The following FAM169A variants were observed in gnomAD, a reference collection of about 807,000 sequenced individuals.
The protein encoded by FAM169A is soluble lamin-associated protein of 75 kDa.
A neutral mutation model predicts 75.7 loss-of-function variants in FAM169A; 24 were observed. The observed-to-expected ratio is 0.32, with a 90% CI of 0.23 to 0.45. The LOEUF (loss-of-function observed/expected upper bound fraction) is 0.45, where lower values mean the gene tolerates loss of function less well. Ranked by LOEUF, FAM169A falls within the 20% of genes least tolerant of loss-of-function variation. The pLI is 1.00. For synonymous variants in FAM169A, 271 were observed against 271.0 expected (o/e 1.00, Z 0.00); for missense variants, 673 against 784.0 (o/e 0.86, Z 1.69).
chr5:74,798,465 A>G (rs981438865), intron 10 of FAM169A, among the ~76,000 whole-genome samples: 4 of 152,160 alleles, frequency 2.6e-5, no homozygotes, highest in African/African-American at 7.2e-5. Context: ...TTATTACTAG[A>G]TTTAAATATT....
chr5:74,800,474 T>C (rs1746516166), intron 10 of FAM169A, among the ~76,000 whole-genome samples: 1 of 152,158 alleles, frequency 6.6e-6, no homozygotes, highest in Non-Finnish European at 1.5e-5. Context: ...GTGGTGATAA[T>C]GACTAATTTG....
At chr5:74,862,804 C>T (rs1408178804) in intron 1 of FAM169A, among the ~76,000 whole-genome samples, 3 of 152,090 alleles carry the variant, frequency 2.0e-5, no homozygotes, top group African/African-American at 4.8e-5. Flanking sequence ...GTTCCCAACT[C>T]GTATTTTCAA....
chr5:74,829,759 A>C (rs993340890), intron 5 of FAM169A, among the ~76,000 whole-genome samples: 32 of 152,198 alleles, frequency 2.1e-4, no homozygotes, highest in Middle Eastern at 3.2e-3. Context: ...GGATCATCTG[A>C]GGTCAGGAGA....
At chr5:74,805,957 T>A (rs1345765065) in intron 6 of FAM169A, among the ~76,000 whole-genome samples, 12 of 132,364 alleles carry the variant, frequency 9.1e-5, no homozygotes, top group African/African-American at 3.5e-4. Context: ...ACAACTATTA[T>A]ACATGAATTT....
intron 5 of FAM169A, among the ~76,000 whole-genome samples, chr5:74,819,533 C>CA (rs1298915240): frequency 1.3e-5 from 2 of 152,162 alleles, no homozygotes; most frequent in Non-Finnish European, 2.9e-5. Context: ...TATGACCCAG[C>CA]AATTCCACAA....
chr5:74,864,404 A>G (rs1217363642), intron 1 of FAM169A, among the ~76,000 whole-genome samples: 1 of 152,096 alleles, frequency 6.6e-6, no homozygotes, highest in African/African-American at 2.4e-5. Flanking sequence ...CTAATTTTGT[A>G]TTTTTAGTAG....
In FAM169A at chr5:74,779,969, CAATTT is replaced by C. The variant is rs1301767136; in HGVS notation, c.*1486_*1490del. ...GATCAAGATCAAGCTATTTTTAAAA[CAATTT>C]AAATGGTCTCAAAACATTCTCCAAC... On this transcript the variant is annotated 3_prime_UTR_variant, in exon 13 of 13. Coordinates refer to ENST00000687041, the MANE Select transcript of FAM169A (RefSeq NM_001376049.1). 6.6e-6 allele frequency: 1 copy of C among 152,144 alleles called. No homozygotes were observed. Among genetic ancestry groups the C allele is most frequent in the African/African-American group, 2.4e-5 (1 of 41,440 alleles). 9.4% of individuals were successfully genotyped at this position (152,144 alleles called of 1,614,324 possible).
chr5:74,790,478 A>G (rs1745919628), intron 11 of FAM169A, among the ~76,000 whole-genome samples: 1 of 152,200 alleles, frequency 6.6e-6, no homozygotes, highest in Non-Finnish European at 1.5e-5. Flanking sequence ...AACTGGTGAC[A>G]AATTTGGGGA....
At chr5:74,856,462 C>A (rs188511030) in intron 1 of FAM169A, among the ~76,000 whole-genome samples, 444 of 152,080 alleles carry the variant, frequency 2.9e-3, no homozygotes, top group Non-Finnish European at 4.8e-3. Flanking sequence ...TTTCTTGCAT[C>A]AATGTTTTAT....
chr5:74,804,754 C>A, intron 7 of FAM169A, 149 bp from the exon 8 acceptor site: 1 of 534,760 alleles, frequency 1.9e-6, no homozygotes, highest in South Asian at 3.0e-5. Flanking sequence ...TCACCAATAT[C>A]CTATAATGCA....
chr5:74,794,639 C>A (rs973073916), intron 11 of FAM169A, among the ~76,000 whole-genome samples: 1 of 151,222 alleles, frequency 6.6e-6, no homozygotes. Context: ...ATTAGCCGGG[C>A]GTTGTGGCGT....
intron 5 of FAM169A, among the ~76,000 whole-genome samples, chr5:74,827,059 C>T (rs915118546): frequency 2.6e-5 from 4 of 152,078 alleles, no homozygotes; most frequent in Admixed American, 2.0e-4. Flanking sequence ...AAAAATGCTA[C>T]AGAATGATAC....
chr5:74,857,716 C>T (rs546589610), intron 1 of FAM169A, among the ~76,000 whole-genome samples: 1 of 148,728 alleles, frequency 6.7e-6, no homozygotes, highest in East Asian at 2.1e-4. Flanking sequence ...ACAATAAATT[C>T]TACCCAAAAA....
chr5:74,858,116 G>A lies in FAM169A; in HGVS notation c.-4+8049C>T, dbSNP rs1749818964. On this transcript the variant is annotated intron_variant, in intron 1 of 12. Coordinates refer to ENST00000687041, the MANE Select transcript of FAM169A (RefSeq NM_001376049.1). Reference sequence around the variant, plus strand: ...AAAAAAAAAGAACAAGGCCAGGCGCGGTGGCTCATGCCTATAATCCCAGTA... The same window carrying A: ...AAAAAAAAAGAACAAGGCCAGGCGCAGTGGCTCATGCCTATAATCCCAGTA... 2.0e-5 allele frequency among the ~76,000 whole-genome samples: 3 copies of A among 151,474 alleles called. No homozygotes were observed. The South Asian group carries it at 6.2e-4, about 31-fold the overall frequency.
chr5:74,793,331 A>G (rs947800917), intron 11 of FAM169A, among the ~76,000 whole-genome samples: 3 of 151,998 alleles, frequency 2.0e-5, no homozygotes, highest in Admixed American at 1.3e-4. Flanking sequence ...TTCAAAAAAA[A>G]AAAAAAAAAA....
intron 1 of FAM169A, among the ~76,000 whole-genome samples, chr5:74,862,266 TC>T: frequency 6.6e-6 from 1 of 152,298 alleles, no homozygotes; most frequent in African/African-American, 2.4e-5. Flanking sequence ...TGGTTCCCCA[TC>T]ACCATGGAGC....
chr5:74,823,203 G>A (rs775559738), intron 5 of FAM169A, among the ~76,000 whole-genome samples: 2 of 152,046 alleles, frequency 1.3e-5, no homozygotes, highest in Admixed American at 6.6e-5. Context: ...CTTTGCAATG[G>A]GACCTCCATC....
In FAM169A at chr5:74,831,022, T is replaced by C. The variant is rs540549052; in HGVS notation, c.490+3404A>G. Among the ~76,000 whole-genome samples, 6 of 152,300 alleles carry C rather than the reference T, an allele frequency of 3.9e-5. No homozygotes were observed. The South Asian group carries it at 1.2e-3, about 32-fold the overall frequency. ...TTCCTTTACTATCTATCATAGTCTTTCAACTTAACAACCTTTCTCTTAAAT... is the reference window on the plus strand; with the variant it reads ...TTCCTTTACTATCTATCATAGTCTTCCAACTTAACAACCTTTCTCTTAAAT... On this transcript the variant is annotated intron_variant, in intron 5 of 12. Coordinates refer to ENST00000687041, the MANE Select transcript of FAM169A (RefSeq NM_001376049.1).
chr5:74,841,721 C>A (rs202227564), intron 1 of FAM169A, 42 bp from the exon 2 acceptor site: 1 of 1,529,636 alleles, frequency 6.5e-7, no homozygotes. Flanking sequence ...GAATATGAAA[C>A]GCCATCTTCC....
Sources: gnomAD v4.1 joint callset for allele counts (sites outside exome capture counted in the v4.1 genomes callset) on GRCh38, gnomAD v4.1.1 for gene constraint, MANE v1.5 for transcripts, NCBI Gene and HGNC (gene_info 2026-07-23, HGNC 2026-07-21) for gene names.